MPHOSPH8: variants seen among roughly 807,000 people sequenced by gnomAD.
The protein encoded by MPHOSPH8 is M-phase phosphoprotein, mpp.
Under a neutral mutation model 87.3 loss-of-function variants are expected in MPHOSPH8, and 45 were observed. That is an observed-to-expected ratio of 0.52 (90% CI 0.41 to 0.66). MPHOSPH8 has a LOEUF of 0.66. Ranked by LOEUF, MPHOSPH8 falls within the 30% of genes least tolerant of loss-of-function variation. MPHOSPH8 has a pLI of 0.00. For synonymous variants in MPHOSPH8, 366 were observed against 376.9 expected, an observed-to-expected ratio of 0.97 and a Z score of 0.33; for missense variants, 883 against 1,020.2, an observed-to-expected ratio of 0.87 and a Z score of 1.83.
intron 2 of MPHOSPH8, among the ~76,000 whole-genome samples, chr13:19,645,633 C>T (rs546599440): frequency 6.6e-6 from 1 of 151,758 alleles, no homozygotes; most frequent in South Asian, 2.1e-4. Context: ...GCACGTTCCT[C>T]TAATCCCAGC....
chr13:19,656,277 CAAAAA>C (rs71198922), intron 5 of MPHOSPH8, among the ~76,000 whole-genome samples: 12 of 72,258 alleles, frequency 1.7e-4, no homozygotes, highest in East Asian at 1.2e-3. Flanking sequence ...AGACTGTTGT[CAAAAA>C]AAAAAAAAAA....
intron 12 of MPHOSPH8, 38 bp downstream of exon 12, chr13:19,670,401 C>A (rs569281887): frequency 1.4e-5 from 22 of 1,592,934 alleles, no homozygotes; most frequent in Non-Finnish European, 1.8e-5. Flanking sequence ...AAAGTACATT[C>A]TTCTAATCAA....
intron 5 of MPHOSPH8, among the ~76,000 whole-genome samples, chr13:19,655,084 T>C (rs1353934783): frequency 6.6e-6 from 1 of 152,140 alleles, no homozygotes; most frequent in African/African-American, 2.4e-5. Context: ...TTCCTACAAA[T>C]TGTAAAGGAG....
intron 7 of MPHOSPH8, among the ~76,000 whole-genome samples, chr13:19,660,582 G>T (rs1199651830): frequency 6.6e-6 from 1 of 152,070 alleles, no homozygotes; most frequent in Middle Eastern, 3.2e-3. Flanking sequence ...TTCTGTCTAG[G>T]AACATGGTAA....
At chr13:19,653,867 G>C (rs1411757018) in intron 5 of MPHOSPH8, among the ~76,000 whole-genome samples, 1 of 152,134 alleles carries the variant, frequency 6.6e-6, no homozygotes, top group Non-Finnish European at 1.5e-5. Flanking sequence ...GAAAAAGAAT[G>C]AAAAGGAATG....
At chr13:19,634,971 G>T (rs1258752539) in intron 1 of MPHOSPH8, among the ~76,000 whole-genome samples, 3 of 152,210 alleles carry the variant, frequency 2.0e-5, no homozygotes, top group African/African-American at 7.2e-5. Context: ...CAGGTGCTGT[G>T]TTAGGTCCGG....
rs1440590524 is a variant in MPHOSPH8 at position 19,666,452 on chromosome 13, G to A, written c.2047G>A (p.Val683Ile). 3.7e-6 allele frequency: 6 copies of A among 1,609,952 alleles called. No homozygotes were observed. Among genetic ancestry groups the A allele is most frequent in the East Asian group, 2.2e-5 (1 of 44,802 alleles). The change falls in exon 10 of 14, where the codon GTA becomes ATA. Residue 683 changes from valine to isoleucine, a missense_variant. By Grantham distance (29) the Val-to-Ile change is conservative. Around this residue, in one of 3 missense-constraint regions of MPHOSPH8, gnomAD observed 741 missense variants for 841.5 expected, o/e 0.88. Transcript: ENST00000361479. ...KACKRGNSDI[V>I]RLVIECGADC... ...CTGTAAAAGAGGAAATTCAGACATC[G>A]TACGACTCGTAATTGAATGTGGAGC...
At chr13:19,661,390 G>A (rs961695269) in intron 7 of MPHOSPH8, among the ~76,000 whole-genome samples, 5 of 152,192 alleles carry the variant, frequency 3.3e-5, no homozygotes, top group African/African-American at 1.2e-4. Flanking sequence ...GCTTGTGGCA[G>A]GGTTACCACA....
Position 19,635,749 on chromosome 13 carries a change from C to T in MPHOSPH8, c.213+1788C>T, listed in dbSNP as rs78242375. On this transcript the variant is annotated intron_variant, in intron 1 of 13. Coordinates refer to ENST00000361479, the MANE Select transcript of MPHOSPH8 (RefSeq NM_017520.4). ...TCAAGTTCTTGCATTTTTAGGTGCT[C>T]TTGTGAAGGAGTGGTTTATATGATT... Among the ~76,000 whole-genome samples the T allele has an allele frequency of 3.9e-3, 599 of 152,206 alleles. 5 individuals are homozygous for T. The highest frequency in any genetic ancestry group is 0.014 in the African/African-American group (562 of 41,512).
At position 19,633,888 on chromosome 13, in the gene MPHOSPH8, C is replaced by G; in HGVS notation, c.140C>G (p.Ala47Gly). The G allele has an allele frequency of 6.2e-7, 1 of 1,611,656 alleles. No homozygotes were observed. The highest frequency in any genetic ancestry group is 1.3e-5 in the African/African-American group (1 of 75,024). ...DNDAAARGAEAFGDSEEDGED... is the reference protein window; with the variant it reads ...DNDAAARGAEGFGDSEEDGED... The stretch of plus-strand genomic sequence containing the variant: ...GACGCAGCCGCGAGAGGAGCGGAGG[C>G]CTTTGGCGACAGTGAGGAGGACGGA... Residue 47 changes from alanine (A) to glycine (G), a missense_variant, in exon 1 of 14, where the codon GCC becomes GGC. By Grantham distance (60) the Ala-to-Gly change is moderately conservative. This residue lies in a region of MPHOSPH8 where 103 missense variants were observed against 96.3 expected (regional missense o/e 1.07). Coordinates refer to ENST00000361479, the MANE Select transcript of MPHOSPH8 (RefSeq NM_017520.4).
chr13:19,663,680 C>T (rs574582578), intron 9 of MPHOSPH8, among the ~76,000 whole-genome samples: 2 of 152,314 alleles, frequency 1.3e-5, no homozygotes, highest in South Asian at 4.2e-4. Context: ...CCTGCCAGGT[C>T]TGGTTGGTTC....
intron 1 of MPHOSPH8, among the ~76,000 whole-genome samples, chr13:19,639,223 C>T (rs1226171046): frequency 2.0e-5 from 3 of 151,576 alleles, no homozygotes; most frequent in Non-Finnish European, 4.4e-5. Context: ...GTCTGGTTGG[C>T]GCTGGTGGTA....
chr13:19,654,563 T>C (rs1046503684), intron 5 of MPHOSPH8, among the ~76,000 whole-genome samples: 2 of 152,180 alleles, frequency 1.3e-5, no homozygotes, highest in African/African-American at 4.8e-5. Context: ...ACCAAACTTA[T>C]AAAAGTCGCT....
At chr13:19,670,168 G>A in intron 11 of MPHOSPH8, 68 bp from the exon 12 acceptor site, 2 of 1,585,388 alleles carry the variant, frequency 1.3e-6, no homozygotes, top group Non-Finnish European at 1.7e-6. Context: ...CTTCCATCTG[G>A]TGTTGAGTGT....
chr13:19,658,447 C>T (rs985744993), intron 5 of MPHOSPH8, among the ~76,000 whole-genome samples: 3 of 141,992 alleles, frequency 2.1e-5, no homozygotes, highest in African/African-American at 5.1e-5. Flanking sequence ...TAGGTCCTGT[C>T]GGGGAAGACT....
At chr13:19,641,640 C>T (rs1298172841) in intron 1 of MPHOSPH8, among the ~76,000 whole-genome samples, 3 of 151,706 alleles carry the variant, frequency 2.0e-5, no homozygotes, top group East Asian at 3.9e-4. Context: ...TTACAGGCGC[C>T]CACCACCACA....
intron 1 of MPHOSPH8, among the ~76,000 whole-genome samples, chr13:19,635,226 A>G (rs1269321517): frequency 6.6e-6 from 1 of 152,216 alleles, no homozygotes; most frequent in Middle Eastern, 3.2e-3. Context: ...GGTATTTGAA[A>G]AATATTCGGC....
At chr13:19,670,584 T>C (rs1876068045) in intron 12 of MPHOSPH8, among the ~76,000 whole-genome samples, 1 of 152,214 alleles carries the variant, frequency 6.6e-6, no homozygotes, top group African/African-American at 2.4e-5. Flanking sequence ...GTGCTCACCA[T>C]ACTGTCTTAG....
At chr13:19,636,739 G>C (rs1224157554) in intron 1 of MPHOSPH8, among the ~76,000 whole-genome samples, 1 of 152,122 alleles carries the variant, frequency 6.6e-6, no homozygotes, top group Non-Finnish European at 1.5e-5. Context: ...GCCTCCCAAA[G>C]TGCTGGGATT....
Sources: gnomAD v4.1 joint callset for allele counts (sites outside exome capture counted in the v4.1 genomes callset) on GRCh38, gnomAD v4.1.1 for gene constraint, gnomAD v4.1.1 regional missense constraint, MANE v1.5 for transcripts, NCBI Gene and HGNC (gene_info 2026-07-23, HGNC 2026-07-21) for gene names.